The following RPRD2 variants were observed in gnomAD, a reference collection of about 807,000 sequenced individuals.
RPRD2 encodes the protein regulation of nuclear pre-mRNA domain-containing protein 2.
RPRD2 carries 12 observed loss-of-function variants against 104.4 expected under a neutral mutation model. The observed-to-expected ratio is 0.11, with a 90% CI of 0.07 to 0.19. RPRD2 has a LOEUF of 0.19. RPRD2 is among the 10% of genes least tolerant of loss of function. RPRD2 has a pLI of 1.00. For missense variants in RPRD2, 1,543 were observed against 1,790.1 expected, an observed-to-expected ratio of 0.86 and a Z score of 2.49; for synonymous variants, 714 against 684.9, an observed-to-expected ratio of 1.04 and a Z score of -0.66.
intron 7 of RPRD2, among the ~76,000 whole-genome samples, chr1:150,448,973 A>G (rs587724887): frequency 3.3e-5 from 5 of 152,300 alleles, no homozygotes; most frequent in African/African-American, 1.2e-4. Flanking sequence ...TTATATTTAG[A>G]AATGTCTTAG....
chr1:150,461,660 T>C (rs1467953398), intron 9 of RPRD2, among the ~76,000 whole-genome samples: 1 of 151,766 alleles, frequency 6.6e-6, no homozygotes, highest in Non-Finnish European at 1.5e-5. Flanking sequence ...CTGGACAACA[T>C]GGCGAAACCC....
At chr1:150,406,446 G>T (rs1553886541) in intron 1 of RPRD2, among the ~76,000 whole-genome samples, 6 of 152,130 alleles carry the variant, frequency 3.9e-5, no homozygotes, top group Non-Finnish European at 7.3e-5. Flanking sequence ...TCTCTCTGTT[G>T]CCCAGGCTAG....
At position 150,460,020 on chromosome 1, in the gene RPRD2, A is replaced by C. The variant is rs587775551; in HGVS notation, c.1154-40A>C. ...TTTCATATAGGAAGCAAAGTCTGGA[A>C]AGTAGTAGGATGTAATATCTCTTTT... On this transcript the variant is annotated intron_variant, in intron 8 of 10. Transcript: ENST00000369068. The C allele has an allele frequency of 2.1e-5, 33 of 1,594,120 alleles. No homozygotes were observed. The Admixed American group carries it at 3.1e-4, about 15-fold the overall frequency.
At chr1:150,394,417 T>G (rs1553883758) in intron 1 of RPRD2, among the ~76,000 whole-genome samples, 2 of 152,060 alleles carry the variant, frequency 1.3e-5, no homozygotes, top group Non-Finnish European at 2.9e-5. Flanking sequence ...CTGAAATATT[T>G]AGGGATAAAT....
chr1:150,396,492 G>C lies in RPRD2; in HGVS notation c.206-21104G>C, dbSNP rs1405373001. ...TAGAATTTTATAGTTTGAGGTTCTA[G>C]ATTTATGTCCTTGATCCATGTTGAG... On this transcript the variant is annotated intron_variant, in intron 1 of 10. Coordinates refer to ENST00000369068, the MANE Select transcript of RPRD2 (RefSeq NM_015203.5). 3.9e-5 allele frequency among the ~76,000 whole-genome samples: 6 copies of C among 152,162 alleles called. 1 individual carries two copies. The East Asian group carries it at 7.7e-4, about 19-fold the overall frequency.
chr1:150,364,895 C>G lies in RPRD2; in HGVS notation c.181C>G (p.His61Asp). The G allele has an allele frequency of 6.2e-7, 1 of 1,613,964 alleles. No homozygotes were observed. The highest frequency in any genetic ancestry group is 8.5e-7 in the Non-Finnish European group (1 of 1,179,868). The change falls in exon 1 of 11, where the codon CAT becomes GAT. Residue 61 changes from histidine (H) to aspartate (D), a missense_variant. Physicochemically the swap from His to Asp is moderately conservative, Grantham distance 81 (BLOSUM62 -1). Transcript: ENST00000369068. Reference protein sequence around the residue: ...NKKHHSTIVYHWMKWLRRSAY... With the variant: ...NKKHHSTIVYDWMKWLRRSAY... ...AAAACACCACAGTACTATCGTCTAT[C>G]ATTGGATGAAGTGGCTCCGGAGATG...
intron 1 of RPRD2, among the ~76,000 whole-genome samples, chr1:150,409,526 A>G (rs587720370): frequency 7.6e-4 from 116 of 151,984 alleles, no homozygotes; most frequent in African/African-American, 2.7e-3. Flanking sequence ...TTATGAGCCT[A>G]TATTCTCGTG....
At chr1:150,400,544 C>T (rs1662898053) in intron 1 of RPRD2, among the ~76,000 whole-genome samples, 1 of 152,106 alleles carries the variant, frequency 6.6e-6, no homozygotes, top group Non-Finnish European at 1.5e-5. Context: ...GTTTATGCTC[C>T]TATGAGAATC....
chr1:150,372,909 A>G (rs1292384874), intron 1 of RPRD2, among the ~76,000 whole-genome samples: 3 of 152,012 alleles, frequency 2.0e-5, no homozygotes, highest in African/African-American at 7.3e-5. Flanking sequence ...GGTGTTGGGG[A>G]GGGGTGAAAT....
At chr1:150,450,253 T>A (rs1374004952) in intron 7 of RPRD2, among the ~76,000 whole-genome samples, 1 of 152,068 alleles carries the variant, frequency 6.6e-6, no homozygotes, top group Non-Finnish European at 1.5e-5. Context: ...ATCCAAAATG[T>A]TTTAGTGTGT....
At chr1:150,468,538 C>G (rs1668422953) in intron 10 of RPRD2, among the ~76,000 whole-genome samples, 1 of 151,812 alleles carries the variant, frequency 6.6e-6, no homozygotes, top group African/African-American at 2.4e-5. Flanking sequence ...ATATCACATT[C>G]TAGTGTTTGA....
intron 1 of RPRD2, among the ~76,000 whole-genome samples, chr1:150,388,008 C>G (rs1661728974): frequency 1.3e-5 from 2 of 149,282 alleles, no homozygotes; most frequent in Non-Finnish European, 3.0e-5. Context: ...CCTCTGCCTC[C>G]TAGACTTCAG....
intron 1 of RPRD2, among the ~76,000 whole-genome samples, chr1:150,394,117 C>G (rs1000541989): frequency 6.6e-6 from 1 of 152,048 alleles, no homozygotes; most frequent in East Asian, 1.9e-4. Flanking sequence ...ATGGCGCGAT[C>G]TCGGCTCACT....
chr1:150,383,344 C>T (rs1280333946), intron 1 of RPRD2, among the ~76,000 whole-genome samples: 1 of 131,198 alleles, frequency 7.6e-6, no homozygotes, highest in Non-Finnish European at 1.6e-5. Flanking sequence ...GAGTCTTGCT[C>T]TGTTGCCTAG....
intron 1 of RPRD2, among the ~76,000 whole-genome samples, chr1:150,382,758 G>A (rs1362087398): frequency 1.3e-5 from 2 of 152,148 alleles, no homozygotes; most frequent in Admixed American, 6.6e-5. Flanking sequence ...ATCACTTAAG[G>A]CCAGGTGTTT....
intron 7 of RPRD2, among the ~76,000 whole-genome samples, chr1:150,454,910 A>G (rs16837013): frequency 0.028 from 3,066 of 111,374 alleles, 128 homozygotes; most frequent in African/African-American, 0.098. Flanking sequence ...TCTAATGGTC[A>G]TCAACTCTCA....
chr1:150,414,417 G>C (rs1393163026), intron 1 of RPRD2, among the ~76,000 whole-genome samples: 1 of 152,176 alleles, frequency 6.6e-6, no homozygotes, highest in Non-Finnish European at 1.5e-5. Context: ...AAATGGAAAA[G>C]ATTGACTTAC....
At chr1:150,389,399 C>G (rs587609552) in intron 1 of RPRD2, among the ~76,000 whole-genome samples, 1 of 152,244 alleles carries the variant, frequency 6.6e-6, no homozygotes, top group African/African-American at 2.4e-5. Context: ...TAGAATGTCC[C>G]TCAATGTGGG....
At position 150,471,597 on chromosome 1, in the gene RPRD2, T is replaced by G. The variant is rs771282958; in HGVS notation, c.2649T>G (p.Phe883Leu). 1.2e-6 allele frequency: 2 copies of G among 1,613,772 alleles called. No individual in the cohort carries two copies. Among genetic ancestry groups the G allele is most frequent in the East Asian group, 4.5e-5 (2 of 44,882 alleles). ...GTTATAGCCACAGAGCCCAAGAATT[T>G]GGGGTAAAGTCTGCCTTCCCTCCAT... Reference protein sequence around the residue: ...LSSYSHRAQEFGVKSAFPPSV... With the variant: ...LSSYSHRAQELGVKSAFPPSV... The change falls in exon 11 of 11, where the codon TTT (phenylalanine) becomes TTG (leucine). Residue 883 changes from phenylalanine (F) to leucine (L), a missense_variant. Physicochemically the swap from Phe to Leu is conservative, Grantham distance 22 (BLOSUM62 0). Transcript: ENST00000369068. The surrounding 1 kb of genome is among the most constrained non-coding windows in gnomAD (Gnocchi z 5.3).
Sources: allele counts gnomAD v4.1 joint callset (sites outside exome capture counted in the v4.1 genomes callset), GRCh38; gene constraint gnomAD v4.1.1; non-coding constraint Gnocchi (gnomAD v3.1); transcripts MANE v1.5; gene names NCBI Gene and HGNC (gene_info 2026-07-23, HGNC 2026-07-21).